Variants in ARID1B observed in about 807,000 individuals in gnomAD.
ARID1B encodes AT-rich interaction domain 1B.
A neutral mutation model predicts 212.3 loss-of-function variants in ARID1B; 30 were observed. The observed-to-expected ratio is 0.14, with a 90% CI of 0.11 to 0.19. The LOEUF is 0.19. Among genes scored for constraint, ARID1B ranks in the 10% least tolerant of loss-of-function variants. The pLI, the probability that ARID1B is intolerant of heterozygous loss-of-function variation, is 1.00. For synonymous variants in ARID1B, 1,402 were observed against 1,301.7 expected (o/e 1.08, Z -1.66); for missense variants, 2,891 against 3,204.0 (o/e 0.90, Z 2.36).
chr6:157,023,223 C>G (rs1229874706), intron 4 of ARID1B: 1 of 152,188 alleles, frequency 6.6e-6, no homozygotes, highest in Non-Finnish European at 1.5e-5. Context: ...CCGGCGCTTC[C>G]TAACAGGAAG....
rs553289566 is a variant in ARID1B, at chr6:157,107,539, G to A, written c.2492-2933G>A. Among the ~76,000 whole-genome samples, 134 of 152,270 alleles carry A rather than the reference G, an allele frequency of 8.8e-4. 1 individual carries two copies. The highest frequency in any genetic ancestry group is 3.1e-3 in the African/African-American group (128 of 41,548). ...TATTTCAGTAAAAGTAGAAATGCAGGTGACAGTTCTGCACCTAAATTGTGC... is the reference window on the plus strand; with the variant it reads ...TATTTCAGTAAAAGTAGAAATGCAGATGACAGTTCTGCACCTAAATTGTGC... On this transcript the variant is annotated intron_variant, in intron 5 of 19. Transcript: ENST00000636930.
intron 5 of ARID1B, among the ~76,000 whole-genome samples, chr6:157,085,746 A>C (rs966976947): frequency 6.6e-6 from 1 of 152,172 alleles, no homozygotes; most frequent in Non-Finnish European, 1.5e-5. Flanking sequence ...AATATTACAC[A>C]TATATATCTC....
chr6:156,838,799 TC>T (rs1424278473), intron 2 of ARID1B, among the ~76,000 whole-genome samples: 1 of 151,932 alleles, frequency 6.6e-6, no homozygotes, highest in Non-Finnish European at 1.5e-5. Context: ...AATCATTGTT[TC>T]CAAAGAGAAC....
intron 7 of ARID1B, among the ~76,000 whole-genome samples, chr6:157,139,209 ACC>A (rs1432818389): frequency 6.6e-6 from 1 of 152,160 alleles, no homozygotes; most frequent in African/African-American, 2.4e-5. Flanking sequence ...AGAGGGGCAC[ACC>A]TCCTGCCCTC....
rs1794512787 is a variant in ARID1B at position 157,206,995 on chromosome 6, G to A, written c.6223G>A (p.Val2075Ile). Residue 2075 changes from valine to isoleucine, a missense_variant, in exon 20 of 20, where the codon GTC becomes ATC. Around this residue, in one of 7 missense-constraint regions of ARID1B, gnomAD observed 19 missense variants for 52.9 expected, o/e 0.36. Coordinates refer to ENST00000636930, the MANE Select transcript of ARID1B (RefSeq NM_001374828.1). This position sits in a 1 kb window ranked among gnomAD's most constrained non-coding sequence, Gnocchi z 6.8. ...AKRCICVSNI[V>I]RSLSFVPGND... is the part of the protein sequence containing the mutation. ...GCGATGCATCTGTGTGTCCAATATT[G>A]TCCGTAGCTTGTCATTCGTGCCTGG... 1.9e-6 allele frequency: 3 copies of A among 1,614,218 alleles called. No individual in the cohort carries two copies. The highest frequency in any genetic ancestry group is 2.5e-6 in the Non-Finnish European group (3 of 1,180,048).
At position 157,207,432 on chromosome 6, in the gene ARID1B, C is replaced by T. The variant is rs1794553056; in HGVS notation, c.6660C>T (p.Asp2220=). 3.1e-6 allele frequency: 5 copies of T among 1,614,052 alleles called. No individual in the cohort carries two copies. Among genetic ancestry groups the T allele is most frequent in the Non-Finnish European group, 4.2e-6 (5 of 1,180,034 alleles). Residue 2220 remains aspartate (D), a synonymous_variant, in exon 20 of 20, where the codon GAC becomes GAT. Coordinates refer to ENST00000636930, the MANE Select transcript of ARID1B (RefSeq NM_001374828.1). The surrounding 1 kb of genome is among the most constrained non-coding windows in gnomAD (Gnocchi z 8.5). ...CKLSIQDNNV[D]LILATPPFSR... is the part of the protein sequence containing the mutation. ...TCAGTATCCAGGACAATAATGTGGA[C>T]CTGATCTTGGCCACTCCTCCATTTA... is the stretch of plus-strand genomic sequence containing the variant.
chr6:156,960,440 A>G (rs556207492), intron 4 of ARID1B, among the ~76,000 whole-genome samples: 1 of 152,248 alleles, frequency 6.6e-6, no homozygotes, highest in South Asian at 2.1e-4. Flanking sequence ...GTATATTTTC[A>G]TTTGGTATTT....
intron 4 of ARID1B, among the ~76,000 whole-genome samples, chr6:157,048,657 C>T (rs1361962603): frequency 6.6e-6 from 1 of 152,152 alleles, no homozygotes; most frequent in Non-Finnish European, 1.5e-5. Flanking sequence ...GAAAATATTA[C>T]AAGTTCTAAA....
At chr6:156,973,965 A>G (rs1188814263) in intron 4 of ARID1B, among the ~76,000 whole-genome samples, 2 of 152,348 alleles carry the variant, frequency 1.3e-5, no homozygotes, top group East Asian at 1.9e-4. Context: ...ATGGTTTTCT[A>G]CAACATTTTG....
intron 4 of ARID1B, among the ~76,000 whole-genome samples, chr6:156,963,267 G>GTTTTAAA (rs1794522962): frequency 6.6e-6 from 1 of 152,106 alleles, no homozygotes; most frequent in Middle Eastern, 3.2e-3. Context: ...GTGATGTTAA[G>GTTTTAAA]TTTTCTCTTT....
At chr6:156,980,655 C>T (rs1042729720) in intron 4 of ARID1B, among the ~76,000 whole-genome samples, 2 of 152,100 alleles carry the variant, frequency 1.3e-5, no homozygotes, top group Non-Finnish European at 2.9e-5. Flanking sequence ...AAATCGCCTG[C>T]ACTGTTGTGG....
chr6:157,018,917 A>G (rs904090462), intron 4 of ARID1B, among the ~76,000 whole-genome samples: 1 of 152,208 alleles, frequency 6.6e-6, no homozygotes, highest in Non-Finnish European at 1.5e-5. Context: ...ACTTGGAAGC[A>G]TGACCTCAAA....
chr6:156,930,451 A>G lies in ARID1B; in HGVS notation c.2137-5015A>G, dbSNP rs182859886. ...GTACGGCCTGCAGAACTGTGAGCCA[A>G]TTACACCTGTTTTCTTTATAAATTA... is the stretch of plus-strand genomic sequence containing the variant. On this transcript the variant is annotated intron_variant, in intron 3 of 19. Transcript: ENST00000636930. 2.3e-4 allele frequency among the ~76,000 whole-genome samples: 35 copies of G among 152,304 alleles called. 2 individuals carry two copies. Among genetic ancestry groups the G allele is most frequent in the Admixed American group, 1.2e-3 (19 of 15,298 alleles).
At chr6:157,178,604 A>C (rs1792278837) in intron 11 of ARID1B, among the ~76,000 whole-genome samples, 1 of 152,252 alleles carries the variant, frequency 6.6e-6, no homozygotes, top group Admixed American at 6.5e-5. Context: ...ATGGTGCCAT[A>C]AAAATGCCTC....
chr6:157,183,101 A>C (rs1002612724), intron 12 of ARID1B, among the ~76,000 whole-genome samples: 1 of 152,144 alleles, frequency 6.6e-6, no homozygotes, highest in Non-Finnish European at 1.5e-5. Flanking sequence ...TCCCCACCCC[A>C]TCATGCTGTG....
intron 8 of ARID1B, among the ~76,000 whole-genome samples, chr6:157,158,116 T>G (rs1384038030): frequency 6.6e-6 from 1 of 152,242 alleles, no homozygotes; most frequent in Non-Finnish European, 1.5e-5. Flanking sequence ...TGGATTACTT[T>G]TGATTGTTAA....
chr6:156,980,456 C>T (rs1777536666), intron 4 of ARID1B, among the ~76,000 whole-genome samples: 1 of 152,050 alleles, frequency 6.6e-6, no homozygotes. Flanking sequence ...GCACTCCAGC[C>T]TGGGCGACAA....
chr6:156,829,002 G>T (rs1782953839), intron 1 of ARID1B, among the ~76,000 whole-genome samples: 1 of 152,108 alleles, frequency 6.6e-6, no homozygotes, highest in South Asian at 2.1e-4. Context: ...TTAGTCTAGA[G>T]CTCTCTTAGT....
At chr6:156,981,871 G>T (rs977046885) in intron 4 of ARID1B, among the ~76,000 whole-genome samples, 5 of 151,980 alleles carry the variant, frequency 3.3e-5, no homozygotes, top group African/African-American at 1.2e-4. Flanking sequence ...ACTGGGCAGT[G>T]CAGTCTTCAT....
Sources: gnomAD v4.1 joint callset for allele counts (sites outside exome capture counted in the v4.1 genomes callset) on GRCh38, gnomAD v4.1.1 for gene constraint, gnomAD v4.1.1 regional missense constraint, Gnocchi (gnomAD v3.1) non-coding constraint, MANE v1.5 for transcripts, NCBI Gene and HGNC (gene_info 2026-07-23, HGNC 2026-07-21) for gene names.